PXK: variants seen among roughly 807,000 people sequenced by gnomAD.
PXK encodes PX domain containing serine/threonine kinase like.
PXK carries 35 observed loss-of-function variants against 84.7 expected under a neutral mutation model. The observed-to-expected ratio is 0.41, with a 90% CI of 0.32 to 0.55. PXK has a LOEUF of 0.55. PXK is among the 20% of genes least tolerant of loss of function. The pLI is 0.21. For synonymous variants in PXK, 253 were observed against 260.8 expected, an observed-to-expected ratio of 0.97 and a Z score of 0.29; for missense variants, 634 against 699.7, an observed-to-expected ratio of 0.91 and a Z score of 1.06.
At chr3:58,378,507 TTTTTTTGTG>T (rs1353758945) in intron 3 of PXK, among the ~76,000 whole-genome samples, 6 of 105,096 alleles carry the variant, frequency 5.7e-5, no homozygotes, top group South Asian at 7.7e-4. Context: ...TTTTTTTTTT[TTTTTTTGTG>T]TGTGTGTGTG....
chr3:58,370,247 T>C lies in PXK; in HGVS notation c.201+769T>C, dbSNP rs1356696685. ...TCCTAAATATGTAGTTAGAAATCCC[T>C]TTGTTTTAAATGTTCCTAACTTGAG... On this transcript the variant is annotated intron_variant, in intron 3 of 17. Coordinates refer to ENST00000356151, the MANE Select transcript of PXK (RefSeq NM_017771.5). The surrounding 1 kb of genome is among the most constrained non-coding windows in gnomAD (Gnocchi z 4.2). Among the ~76,000 whole-genome samples, 1 of 152,210 alleles carries C rather than the reference T, an allele frequency of 6.6e-6. No individual in the cohort carries two copies. Among genetic ancestry groups the C allele is most frequent in the Non-Finnish European group, 1.5e-5 (1 of 68,028 alleles).
chr3:58,356,187 C>T (rs1462527949), intron 1 of PXK, among the ~76,000 whole-genome samples: 5 of 152,110 alleles, frequency 3.3e-5, no homozygotes, highest in Non-Finnish European at 7.3e-5. Flanking sequence ...CCAGAATGCC[C>T]ACATGCTAGG....
chr3:58,415,076 C>T (rs1048232573), intron 17 of PXK, among the ~76,000 whole-genome samples: 3 of 152,178 alleles, frequency 2.0e-5, no homozygotes, highest in African/African-American at 7.2e-5. Context: ...AACTCACACT[C>T]AAAAGTATTT....
At chr3:58,343,925 C>A (rs976931348) in intron 1 of PXK, among the ~76,000 whole-genome samples, 1 of 152,174 alleles carries the variant, frequency 6.6e-6, no homozygotes, top group African/African-American at 2.4e-5. Context: ...CTGAAATTCC[C>A]ATAGAGTATA....
chr3:58,414,235 C>T lies in PXK; in HGVS notation c.1528+1272C>T, dbSNP rs1414293483. On this transcript the variant is annotated intron_variant, in intron 17 of 17. Transcript: ENST00000356151. The surrounding 1 kb of genome is among the most constrained non-coding windows in gnomAD (Gnocchi z 4.5). ...AAGATAGGATATTAATTTAACACCA[C>T]TTGGGCATATTAAGAAAATTGGAGA... The T allele has an allele frequency of 6.6e-6, 1 of 152,122 alleles. No homozygotes were observed. The highest frequency in any genetic ancestry group is 1.5e-5 in the Non-Finnish European group (1 of 68,034). The allele number at this position is 152,122 out of a possible 1,614,324, so 9.4% of individuals were successfully genotyped here. A position where few individuals can be genotyped will look rare whatever the true frequency, so the allele number is the denominator to read the frequency against.
chr3:58,340,355 T>C (rs2097708427), intron 1 of PXK, among the ~76,000 whole-genome samples: 1 of 151,264 alleles, frequency 6.6e-6, no homozygotes, highest in Non-Finnish European at 1.5e-5. Context: ...ACTCTTGGCC[T>C]CAAGTGATCC....
rs761729083 is a variant in PXK, at chr3:58,393,070, C to T, written c.615+1223C>T. ...GATAAGCAAAAATAAGAAAATAAGCCGAGTGTGGTGGCTCATGCCTGTAAT... is the reference window on the plus strand; with the variant it reads ...GATAAGCAAAAATAAGAAAATAAGCTGAGTGTGGTGGCTCATGCCTGTAAT... On this transcript the variant is annotated intron_variant, in intron 7 of 17. Coordinates refer to ENST00000356151, the MANE Select transcript of PXK (RefSeq NM_017771.5). Among the ~76,000 whole-genome samples, 13 of 151,826 alleles carry T rather than the reference C, an allele frequency of 8.6e-5. No individual in the cohort carries two copies. The East Asian group carries it at 2.4e-3, about 27-fold the overall frequency.
At chr3:58,396,707 C>A (rs2057737604) in intron 9 of PXK, among the ~76,000 whole-genome samples, 1 of 152,210 alleles carries the variant, frequency 6.6e-6, no homozygotes, top group Non-Finnish European at 1.5e-5. Context: ...CAAGACTTTG[C>A]CCTGAAGAGA....
rs1320188195 is a variant in PXK, at chr3:58,398,574, AAGT to A, written c.1103-724_1103-722del. ...CGGGGGCTGAGGGGAGCTGGAGGAC[AAGT>A]GAGAGCACCTTTAGGAAGGAGGGAT... On this transcript the variant is annotated intron_variant, in intron 11 of 17. Coordinates refer to ENST00000356151, the MANE Select transcript of PXK (RefSeq NM_017771.5). The surrounding 1 kb of genome is among the most constrained non-coding windows in gnomAD (Gnocchi z 4.5). 4.6e-5 allele frequency among the ~76,000 whole-genome samples: 7 copies of A among 152,070 alleles called. No individual in the cohort carries two copies.
chr3:58,413,005 C>T, intron 17 of PXK, 42 bp downstream of exon 17: 1 of 1,591,376 alleles, frequency 6.3e-7, no homozygotes, highest in Non-Finnish European at 8.6e-7. Flanking sequence ...TCCTGTCCGC[C>T]AACAGGAGGA....
intron 1 of PXK, among the ~76,000 whole-genome samples, chr3:58,359,478 C>T: frequency 6.6e-6 from 1 of 150,934 alleles, no homozygotes. Context: ...TTGCAGTGAG[C>T]CGAGATCGCG....
intron 1 of PXK, among the ~76,000 whole-genome samples, chr3:58,341,096 A>G (rs1237024569): frequency 1.3e-5 from 2 of 151,618 alleles, no homozygotes; most frequent in Non-Finnish European, 2.9e-5. Context: ...GTGGCCCTTC[A>G]TTTGTGGTTT....
In PXK at chr3:58,390,071, G is replaced by A. The variant is rs1462890955; in HGVS notation, c.389-511G>A. On this transcript the variant is annotated intron_variant, in intron 4 of 17. Transcript: ENST00000356151. This position sits in a 1 kb window ranked among gnomAD's most constrained non-coding sequence, Gnocchi z 4.2. ...CCCATGCTTGTAGTCCCAGCTATTC[G>A]GGAGGCTGAGGTGGGAGGATCACTT... Among the ~76,000 whole-genome samples, 4 of 151,058 alleles carry A rather than the reference G, an allele frequency of 2.6e-5. No homozygotes were observed. Among genetic ancestry groups the A allele is most frequent in the African/African-American group, 7.3e-5 (3 of 40,976 alleles).
intron 1 of PXK, among the ~76,000 whole-genome samples, chr3:58,343,612 T>A (rs1291011951): frequency 2.6e-5 from 4 of 152,200 alleles, no homozygotes; most frequent in Non-Finnish European, 5.9e-5. Flanking sequence ...TTCTTCCCAC[T>A]CTGTAGATGG....
At position 58,395,105 on chromosome 3, in the gene PXK, A is replaced by G; in HGVS notation, c.720+3A>G. On this transcript the variant is annotated splice_donor_region_variant and intron_variant, in intron 8 of 17. Transcript: ENST00000356151. ...CATTGAAGGATCTGATCTACAAGGT[A>G]CCTGTGCAAGTTCATGGTCATAAGG... is the stretch of plus-strand genomic sequence containing the variant. 1.3e-6 allele frequency: 2 copies of G among 1,596,048 alleles called. No individual in the cohort carries two copies. Among genetic ancestry groups the G allele is most frequent in the Non-Finnish European group, 8.6e-7 (1 of 1,164,090 alleles).
chr3:58,336,038 C>CATATATATATAT lies in PXK; in HGVS notation c.102+2971_102+2982dup, dbSNP rs1168755178. On this transcript the variant is annotated intron_variant, in intron 1 of 17. Coordinates refer to ENST00000356151, the MANE Select transcript of PXK (RefSeq NM_017771.5). The stretch of plus-strand genomic sequence containing the variant: ...ATCAAGTTTGTTTAACCTTGGGAAA[C>CATATATATATAT]ATATATATATATATATATATATATA... Among the ~76,000 whole-genome samples the CATATATATATAT allele has an allele frequency of 2.8e-3, 122 of 43,090 alleles. 2 individuals are homozygous for CATATATATATAT. Among genetic ancestry groups the CATATATATATAT allele is most frequent in the East Asian group, 4.8e-3 (2 of 420 alleles). The allele number at this position is 43,090 out of a possible 152,430, so 28.3% of individuals were successfully genotyped here. A position where few individuals can be genotyped will look rare whatever the true frequency, so the allele number is the denominator to read the frequency against.
At chr3:58,410,741 C>T (rs1051300086) in intron 16 of PXK, among the ~76,000 whole-genome samples, 1 of 152,214 alleles carries the variant, frequency 6.6e-6, no homozygotes, top group South Asian at 2.1e-4. Context: ...ATTGAATGAT[C>T]CCTGGGGGCC....
chr3:58,407,769 C>A lies in PXK; in HGVS notation c.1231-1155C>A, dbSNP rs1386185128. Among the ~76,000 whole-genome samples, 21 of 152,164 alleles carry A rather than the reference C, an allele frequency of 1.4e-4. No homozygotes were observed. The highest frequency in any genetic ancestry group is 5.1e-4 in the African/African-American group (21 of 41,456). On this transcript the variant is annotated intron_variant, in intron 13 of 17. Coordinates refer to ENST00000356151, the MANE Select transcript of PXK (RefSeq NM_017771.5). The surrounding 1 kb of genome is among the most constrained non-coding windows in gnomAD (Gnocchi z 4.3). The stretch of plus-strand genomic sequence containing the variant: ...ACGGGGTTTTGCCATGTTGGCCAGG[C>A]TGGTCTTGAACTTCTGACCTCAAGT...
intron 1 of PXK, among the ~76,000 whole-genome samples, chr3:58,342,238 T>C (rs76560507): frequency 0.067 from 10,214 of 152,214 alleles, 422 homozygotes; most frequent in African/African-American, 0.077. Flanking sequence ...TCACAGGGAC[T>C]GCTTCCCTGT....
Sources: allele counts gnomAD v4.1 joint callset (sites outside exome capture counted in the v4.1 genomes callset), GRCh38; gene constraint gnomAD v4.1.1; non-coding constraint Gnocchi (gnomAD v3.1); transcripts MANE v1.5; gene names NCBI Gene and HGNC (gene_info 2026-07-23, HGNC 2026-07-21).